Variants in MVB12B observed in about 807,000 individuals in gnomAD.
MVB12B encodes multivesicular body subunit 12B, also known as ESCRT-I complex subunit MVB12B.
Under a neutral mutation model 41.6 loss-of-function variants are expected in MVB12B, and 16 were observed. The observed-to-expected ratio is 0.38, with a 90% CI of 0.26 to 0.58. MVB12B has a LOEUF of 0.58. Among genes scored for constraint, MVB12B ranks in the 20% least tolerant of loss-of-function variants. MVB12B has a pLI of 0.62. For synonymous variants in MVB12B, 133 were observed against 139.7 expected (o/e 0.95, Z 0.34); for missense variants, 274 against 380.2 (o/e 0.72, Z 2.32).
At chr9:126,466,542 A>G (rs565628378) in intron 7 of MVB12B, among the ~76,000 whole-genome samples, 1 of 152,320 alleles carries the variant, frequency 6.6e-6, no homozygotes, top group East Asian at 1.9e-4. Context: ...CGCGTAGGTG[A>G]CAAATGGTGG....
intron 7 of MVB12B, among the ~76,000 whole-genome samples, chr9:126,452,261 C>T (rs1440264937): frequency 6.6e-6 from 1 of 152,228 alleles, no homozygotes; most frequent in African/African-American, 2.4e-5. Flanking sequence ...CACGTGGAGG[C>T]CATTCAGCCA....
At chr9:126,449,774 T>C (rs1832857449) in intron 7 of MVB12B, among the ~76,000 whole-genome samples, 2 of 152,360 alleles carry the variant, frequency 1.3e-5, no homozygotes, top group Middle Eastern at 3.4e-3. Context: ...TTGTGTCTGT[T>C]TGGTTTCAGG....
chr9:126,418,654 G>A (rs1831898980), intron 6 of MVB12B, among the ~76,000 whole-genome samples: 4 of 152,138 alleles, frequency 2.6e-5, no homozygotes, highest in African/African-American at 9.7e-5. Flanking sequence ...TGGGCTCCAC[G>A]TGGCCTGGCC....
At position 126,358,543 on chromosome 9, in the gene MVB12B, G is replaced by A. The variant is rs557836316; in HGVS notation, c.204+17913G>A. ...GCAGATCTTTTGTCTAATCTTTCAG[G>A]CATTTCATATTGTTGATGCTATTGT... On this transcript the variant is annotated intron_variant, in intron 2 of 9. Coordinates refer to ENST00000361171, the MANE Select transcript of MVB12B (RefSeq NM_033446.3). Among the ~76,000 whole-genome samples the A allele has an allele frequency of 3.3e-5, 5 of 152,092 alleles. No homozygotes were observed. In the South Asian group the frequency reaches 1.0e-3, roughly 32 times the overall value.
chr9:126,335,001 T>G (rs915402133), intron 1 of MVB12B, among the ~76,000 whole-genome samples: 1 of 152,192 alleles, frequency 6.6e-6, no homozygotes, highest in African/African-American at 2.4e-5. Flanking sequence ...TAATAGAAAT[T>G]TAAGCATAAG....
At chr9:126,470,804 G>A (rs917213723) in intron 7 of MVB12B, among the ~76,000 whole-genome samples, 2 of 152,140 alleles carry the variant, frequency 1.3e-5, no homozygotes, top group African/African-American at 4.8e-5. Context: ...AAACGTCTTT[G>A]GATTGGGTCT....
intron 2 of MVB12B, among the ~76,000 whole-genome samples, chr9:126,378,090 A>T (rs967261404): frequency 6.6e-6 from 1 of 152,206 alleles, no homozygotes; most frequent in Non-Finnish European, 1.5e-5. Context: ...CATGTTGCGC[A>T]TGCTGCACGC....
chr9:126,344,047 T>TTA (rs764708210), intron 2 of MVB12B, among the ~76,000 whole-genome samples: 10 of 128,794 alleles, frequency 7.8e-5, no homozygotes, highest in South Asian at 2.5e-4. Flanking sequence ...CTTTTCTTGG[T>TTA]AAAAAAAAAA....
intron 4 of MVB12B, among the ~76,000 whole-genome samples, chr9:126,390,780 G>A (rs1249630939): frequency 1.3e-5 from 2 of 152,092 alleles, no homozygotes; most frequent in African/African-American, 4.8e-5. Flanking sequence ...CCAACATGGT[G>A]AAACACCATC....
At chr9:126,353,934 A>G in intron 2 of MVB12B, among the ~76,000 whole-genome samples, 1 of 152,216 alleles carries the variant, frequency 6.6e-6, no homozygotes. Context: ...GCTTTTCAAA[A>G]ATACTTCACC....
intron 7 of MVB12B, among the ~76,000 whole-genome samples, chr9:126,444,063 T>A (rs548130866): frequency 6.6e-6 from 1 of 152,354 alleles, no homozygotes; most frequent in South Asian, 2.1e-4. Context: ...TTGAGACCTG[T>A]TCATGTACCT....
intron 9 of MVB12B, among the ~76,000 whole-genome samples, chr9:126,498,045 C>T (rs1338123801): frequency 6.6e-6 from 1 of 152,234 alleles, no homozygotes; most frequent in African/African-American, 2.4e-5. Context: ...CGCTTCAGGC[C>T]TCGCCATATG....
At chr9:126,342,715 T>G (rs1039640020) in intron 2 of MVB12B, among the ~76,000 whole-genome samples, 8 of 152,166 alleles carry the variant, frequency 5.3e-5, no homozygotes, top group African/African-American at 1.7e-4. Context: ...GATAAGCGTC[T>G]CGTTCCCCAG....
chr9:126,417,366 T>C (rs749796923), intron 6 of MVB12B, among the ~76,000 whole-genome samples: 14 of 152,250 alleles, frequency 9.2e-5, no homozygotes, highest in Non-Finnish European at 1.9e-4. Flanking sequence ...TTGTCTATCA[T>C]ATATGAACAG....
rs768588980 is a variant in MVB12B, at chr9:126,505,678, GTA to G, written c.*2419_*2420del. On this transcript the variant is annotated 3_prime_UTR_variant, in exon 10 of 10. Transcript: ENST00000361171. ...CCTGTGTGTGTGTGTGTGTGTGTGT[GTA>G]TATGTGTGTGTGTGCACGCACATGC... 7,789 of 92,486 alleles carry G rather than the reference GTA, an allele frequency of 0.084. 243 individuals are homozygous for G. The highest frequency in any genetic ancestry group is 0.11 in the Non-Finnish European group (5,174 of 45,510). 5.7% of individuals were successfully genotyped at this position (92,486 alleles called of 1,614,324 possible).
intron 9 of MVB12B, among the ~76,000 whole-genome samples, chr9:126,491,959 G>T (rs964932886): frequency 1.3e-5 from 2 of 151,962 alleles, no homozygotes; most frequent in Non-Finnish European, 2.9e-5. Context: ...GTTCTTTTGG[G>T]CAGTTTATCA....
intron 7 of MVB12B, among the ~76,000 whole-genome samples, chr9:126,463,465 A>T (rs1234619034): frequency 1.3e-5 from 2 of 152,142 alleles, no homozygotes; most frequent in African/African-American, 4.8e-5. Context: ...TGAAGAGATG[A>T]CCTGGTTCGA....
rs1830965700 is a variant in MVB12B, at chr9:126,391,883, C to T, written c.410-183C>T. ...GGGTGTCTGGGTTGGGTCCCACATG[C>T]AGAGCAGGGTGACTGCAGCCCCGGG... On this transcript the variant is annotated intron_variant, in intron 4 of 9. Coordinates refer to ENST00000361171, the MANE Select transcript of MVB12B (RefSeq NM_033446.3). The surrounding 1 kb of genome is among the most constrained non-coding windows in gnomAD (Gnocchi z 4.4). Among the ~76,000 whole-genome samples the T allele has an allele frequency of 1.3e-5, 2 of 152,128 alleles. No individual in the cohort carries two copies. The highest frequency in any genetic ancestry group is 4.8e-5 in the African/African-American group (2 of 41,420).
Position 126,497,708 on chromosome 9 carries a change from G to A in MVB12B, c.874-5469G>A, listed in dbSNP as rs973770182. On this transcript the variant is annotated intron_variant, in intron 9 of 9. Coordinates refer to ENST00000361171, the MANE Select transcript of MVB12B (RefSeq NM_033446.3). ...CTGCTCGTGAACAGCCTTCCTCCTA[G>A]TGAAGCACTTTCTCACGCTTTCTGG... Among the ~76,000 whole-genome samples, 8 of 152,148 alleles carry A rather than the reference G, an allele frequency of 5.3e-5. 1 individual carries two copies. The highest frequency in any genetic ancestry group is 1.9e-4 in the African/African-American group (8 of 41,400).
Sources: gnomAD v4.1 joint callset for allele counts (sites outside exome capture counted in the v4.1 genomes callset) on GRCh38, gnomAD v4.1.1 for gene constraint, Gnocchi (gnomAD v3.1) non-coding constraint, MANE v1.5 for transcripts, NCBI Gene and HGNC (gene_info 2026-07-23, HGNC 2026-07-21) for gene names.